The following EPC2 variants were observed in gnomAD, a reference collection of about 807,000 sequenced individuals.
The protein encoded by EPC2 is enhancer of polycomb 2.
A neutral mutation model predicts 92.1 loss-of-function variants in EPC2; 14 were observed. That is an observed-to-expected ratio of 0.15 (90% CI 0.10 to 0.24). The LOEUF is 0.24. Among genes scored for constraint, EPC2 ranks in the 10% least tolerant of loss-of-function variants. The pLI is 1.00. For synonymous variants in EPC2, 340 were observed against 334.7 expected (o/e 1.02, Z -0.17); for missense variants, 755 against 971.5 (o/e 0.78, Z 2.96).
intron 2 of EPC2, among the ~76,000 whole-genome samples, chr2:148,728,228 A>G (rs572374059): frequency 3.3e-5 from 5 of 152,298 alleles, no homozygotes; most frequent in African/African-American, 7.2e-5. Flanking sequence ...GGCATGAGCC[A>G]CCACACCCTG....
chr2:148,671,098 C>A (rs1396456516), intron 1 of EPC2, among the ~76,000 whole-genome samples: 1 of 152,106 alleles, frequency 6.6e-6, no homozygotes, highest in Non-Finnish European at 1.5e-5. Flanking sequence ...TTAAGATCAA[C>A]CTTATTAAGT....
At chr2:148,707,975 G>A (rs956874459) in intron 2 of EPC2, among the ~76,000 whole-genome samples, 1 of 152,114 alleles carries the variant, frequency 6.6e-6, no homozygotes, top group Non-Finnish European at 1.5e-5. Flanking sequence ...AAAGCTAGCA[G>A]AAGGCAAGAA....
At position 148,783,592 on chromosome 2, in the gene EPC2, T is replaced by C; in HGVS notation, c.1858-5T>C. On this transcript the variant is annotated splice_polypyrimidine_tract_variant and splice_region_variant and intron_variant, in intron 11 of 13. Transcript: ENST00000258484. ...TTAGAGTGTTTAACTTTGTTCATTT[T>C]ATAGGGCTCAAGCACCTCTGACTGT... 1.2e-6 allele frequency: 2 copies of C among 1,601,286 alleles called. No individual in the cohort carries two copies. The highest frequency in any genetic ancestry group is 1.1e-5 in the South Asian group (1 of 88,676).
chr2:148,658,607 G>GTATATA (rs3076616), intron 1 of EPC2, among the ~76,000 whole-genome samples: 2,926 of 141,058 alleles, frequency 0.021, 145 homozygotes, highest in East Asian at 0.14. Context: ...GTGTGTGTGT[G>GTATATA]TATATATATA....
At chr2:148,650,809 A>G (rs1274064799) in intron 1 of EPC2, among the ~76,000 whole-genome samples, 1 of 152,198 alleles carries the variant, frequency 6.6e-6, no homozygotes. Context: ...TTCTTCTAAC[A>G]AAAGCAAATG....
chr2:148,657,982 A>G (rs541597408), intron 1 of EPC2, among the ~76,000 whole-genome samples: 1 of 152,030 alleles, frequency 6.6e-6, no homozygotes, highest in South Asian at 2.1e-4. Context: ...TCATTATTCG[A>G]GATAGTTATG....
Position 148,776,856 on chromosome 2 carries a change from C to CTTTTTTTTTTTTT in EPC2, c.1721-4778_1721-4766dup, listed in dbSNP as rs56073706. Among the ~76,000 whole-genome samples, 82 of 101,012 alleles carry CTTTTTTTTTTTTT rather than the reference C, an allele frequency of 8.1e-4. 2 individuals are homozygous for CTTTTTTTTTTTTT. Among genetic ancestry groups the CTTTTTTTTTTTTT allele is most frequent in the East Asian group, 2.4e-3 (7 of 2,918 alleles). The allele number at this position is 101,012 out of a possible 152,430, so 66.3% of individuals were successfully genotyped here. A position where few individuals can be genotyped will look rare whatever the true frequency, so the allele number is the denominator to read the frequency against. On this transcript the variant is annotated intron_variant, in intron 10 of 13. Coordinates refer to ENST00000258484, the MANE Select transcript of EPC2 (RefSeq NM_015630.4). ...ACATAGCAAGACCCTGTCTCTCTCT[C>CTTTTTTTTTTTTT]TTTTTTTTTTTTTTTTTTTTTTGAG...
intron 2 of EPC2, among the ~76,000 whole-genome samples, chr2:148,707,134 A>G (rs1166219554): frequency 1.3e-5 from 2 of 152,206 alleles, no homozygotes; most frequent in African/African-American, 4.8e-5. Context: ...ATAGGCTCAA[A>G]ATAAAGGGAT....
At chr2:148,647,569 A>G (rs1370132541) in intron 1 of EPC2, among the ~76,000 whole-genome samples, 2 of 146,156 alleles carry the variant, frequency 1.4e-5, no homozygotes, top group African/African-American at 2.6e-5. Context: ...GGCCTCCCAA[A>G]TTTCTGGGAT....
At chr2:148,773,356 T>G (rs375566731) in intron 10 of EPC2, among the ~76,000 whole-genome samples, 2 of 152,108 alleles carry the variant, frequency 1.3e-5, no homozygotes, top group East Asian at 3.8e-4. Context: ...TATTCTTACC[T>G]TTACCTTACC....
At chr2:148,758,755 G>T (rs1163504410) in intron 4 of EPC2, among the ~76,000 whole-genome samples, 1 of 152,114 alleles carries the variant, frequency 6.6e-6, no homozygotes, top group East Asian at 1.9e-4. Context: ...CCTGGGAGAT[G>T]CCATCTTAAG....
At chr2:148,698,914 A>C (rs1211155640) in intron 2 of EPC2, among the ~76,000 whole-genome samples, 1 of 150,806 alleles carries the variant, frequency 6.6e-6, no homozygotes, top group Non-Finnish European at 1.5e-5. Context: ...ACTGTCATAG[A>C]GTAAGCATTT....
chr2:148,762,588 C>T, intron 5 of EPC2, 82 bp from the exon 6 acceptor site: 2 of 992,878 alleles, frequency 2.0e-6, no homozygotes, highest in Middle Eastern at 3.4e-4. Context: ...AGGTGACTTC[C>T]AATTAATTGA....
rs554487919 is a variant in EPC2, at chr2:148,694,616, CT to C, written c.313+4247del. On this transcript the variant is annotated intron_variant, in intron 2 of 13. Coordinates refer to ENST00000258484, the MANE Select transcript of EPC2 (RefSeq NM_015630.4). ...AATTTTATTAAATTCAGTACCCAAA[CT>C]TTTCTCTTTAAGGAAACAACTTTGT... Among the ~76,000 whole-genome samples the C allele has an allele frequency of 8.5e-5, 13 of 152,334 alleles. No homozygotes were observed. In the East Asian group the frequency reaches 2.5e-3, roughly 29 times the overall value.
chr2:148,728,177 A>G (rs889999361), intron 2 of EPC2, among the ~76,000 whole-genome samples: 1 of 152,222 alleles, frequency 6.6e-6, no homozygotes, highest in African/African-American at 2.4e-5. Context: ...CCTAGGCTCA[A>G]GCAGTCTCCC....
At chr2:148,767,515 A>G (rs1045140917) in intron 7 of EPC2, among the ~76,000 whole-genome samples, 2 of 152,190 alleles carry the variant, frequency 1.3e-5, no homozygotes, top group African/African-American at 2.4e-5. Flanking sequence ...ATGTTTACCT[A>G]TATTTGGGCG....
chr2:148,755,008 G>A (rs184732137), intron 4 of EPC2, among the ~76,000 whole-genome samples: 1 of 152,288 alleles, frequency 6.6e-6, no homozygotes. Flanking sequence ...AGCATTTTCT[G>A]TGGATTCTCC....
At chr2:148,749,213 A>G (rs1291691560) in intron 3 of EPC2, among the ~76,000 whole-genome samples, 5 of 152,140 alleles carry the variant, frequency 3.3e-5, no homozygotes, top group South Asian at 2.1e-4. Flanking sequence ...TGTTCCAGCT[A>G]TAGTCCTCAT....
At chr2:148,707,959 C>T (rs1320851012) in intron 2 of EPC2, among the ~76,000 whole-genome samples, 2 of 152,090 alleles carry the variant, frequency 1.3e-5, no homozygotes, top group South Asian at 2.1e-4. Flanking sequence ...AGAGCAAACA[C>T]ATTCAAAAGC....
Sources: allele counts gnomAD v4.1 joint callset (sites outside exome capture counted in the v4.1 genomes callset), GRCh38; gene constraint gnomAD v4.1.1; transcripts MANE v1.5; gene names NCBI Gene and HGNC (gene_info 2026-07-23, HGNC 2026-07-21).